Variants in DNAH5 observed in about 807,000 individuals in gnomAD.
DNAH5 encodes the protein dynein axonemal heavy chain 5.
Under a neutral mutation model 518.2 loss-of-function variants are expected in DNAH5, and 372 were observed. That is an observed-to-expected ratio of 0.72 (90% CI 0.66 to 0.78). DNAH5 has a LOEUF of 0.78. Ranked by LOEUF, DNAH5 falls within the 30% of genes least tolerant of loss-of-function variation. The pLI, the probability that DNAH5 is intolerant of heterozygous loss-of-function variation, is 0.00. For synonymous variants in DNAH5, 2,039 were observed against 2,025.9 expected, an observed-to-expected ratio of 1.01 and a Z score of -0.17; for missense variants, 5,523 against 5,687.0, an observed-to-expected ratio of 0.97 and a Z score of 0.93.
chr5:13,830,458 G>A (rs989036414), intron 36 of DNAH5, 139 bp downstream of exon 36: 2 of 1,055,164 alleles, frequency 1.9e-6, no homozygotes, highest in Admixed American at 4.1e-5. Context: ...CACACAACCT[G>A]GCAAGATTGA....
At position 13,751,184 on chromosome 5, in the gene DNAH5, G is replaced by T. The variant is rs1277100824; in HGVS notation, c.11105C>A (p.Ala3702Asp). Residue 3702 changes from alanine (A) to aspartate (D), a missense_variant, in exon 65 of 79, where the codon GCC becomes GAC. By Grantham distance (126) the Ala-to-Asp change is moderately radical. Transcript: ENST00000265104. ...ACGGGCACTTATCTCAGGGGTGTAG[G>T]CTGGGTTAGGCAATTTGGTGGTAAT... ...LYITTKLPNP[A>D]YTPEISARTS... is the part of the protein sequence containing the mutation. 3 of 1,613,890 alleles carry T rather than the reference G, an allele frequency of 1.9e-6. No individual in the cohort carries two copies. In the Admixed American group the frequency reaches 5.0e-5, roughly 27 times the overall value.
intron 42 of DNAH5, among the ~76,000 whole-genome samples, chr5:13,816,333 C>G (rs139730910): frequency 2.0e-5 from 3 of 152,180 alleles, no homozygotes; most frequent in Non-Finnish European, 4.4e-5. Flanking sequence ...CTCTTAATTT[C>G]TCAACTACTA....
Position 13,701,312 on chromosome 5 carries a change from G to A in DNAH5, c.13463C>T (p.Pro4488Leu), listed in dbSNP as rs1742082834. The A allele has an allele frequency of 6.2e-7, 1 of 1,613,832 alleles. No individual in the cohort carries two copies. Among genetic ancestry groups the A allele is most frequent in the East Asian group, 2.2e-5 (1 of 44,852 alleles). ...TCGCATTGCAGTTAAAAATCCCTGG[G>A]GGTTAAAAAAACCCGTCATCCAAAA... ...HCFWMTGFFN[P>L]QGFLTAMRQE... Residue 4488 changes from proline to leucine, a missense_variant, in exon 77 of 79, where the codon CCC (proline) becomes CTC (leucine). Pro to Leu is a moderately conservative substitution (Grantham distance 98). Around this residue, in one of 3 missense-constraint regions of DNAH5, gnomAD observed 387 missense variants for 430.0 expected, o/e 0.90. Coordinates refer to ENST00000265104, the MANE Select transcript of DNAH5 (RefSeq NM_001369.3).
rs200924641 is a variant in DNAH5 at position 13,714,468 on chromosome 5, C to T, written c.13062G>A (p.Ala4354=). ...TSGGGDETRE[A]VVARLADDML... ...TATCATCAGCCAGCCGGGCCACCAC[C>T]GCCTCCCGGGTCTCATCCCCTCCAC... Residue 4354 remains alanine (A), a synonymous_variant, in exon 75 of 79, where the codon GCG becomes GCA. Transcript: ENST00000265104. 4.9e-4 allele frequency: 794 copies of T among 1,614,166 alleles called. 17 individuals are homozygous for T. The South Asian group carries it at 8.0e-3, about 16-fold the overall frequency.
At position 13,841,841 on chromosome 5, in the gene DNAH5, C is replaced by T; in HGVS notation, c.5335G>A (p.Val1779Ile). 6.3e-7 allele frequency: 1 copy of T among 1,597,964 alleles called. No individual in the cohort carries two copies. The highest frequency in any genetic ancestry group is 8.5e-7 in the Non-Finnish European group (1 of 1,175,872). Residue 1779 changes from valine to isoleucine, a missense_variant, in exon 33 of 79, where the codon GTC becomes ATC. Val to Ile is a conservative substitution (Grantham distance 29, BLOSUM62 3). This residue lies in a region of DNAH5 where 5,121 missense variants were observed against 5,223.3 expected (regional missense o/e 0.98). Coordinates refer to ENST00000265104, the MANE Select transcript of DNAH5 (RefSeq NM_001369.3). ...EGETIELDKP[V>I]MAEGNVEVWL... Reference sequence around the variant, plus strand: ...ACTTCCACATTGCCCTCTGCCATGACAGGTTTATCCAATTCAATCGTCTCA... The same window carrying T: ...ACTTCCACATTGCCCTCTGCCATGATAGGTTTATCCAATTCAATCGTCTCA...
At chr5:13,876,900 T>G in intron 21 of DNAH5, 83 bp from the exon 22 acceptor site, 1 of 1,387,864 alleles carries the variant, frequency 7.2e-7, no homozygotes, top group Non-Finnish European at 1.0e-6. Context: ...TCTGTGATAG[T>G]AAAGCAAGGA....
At position 13,769,036 on chromosome 5, in the gene DNAH5, G is replaced by A. The variant is rs1752916666; in HGVS notation, c.9821C>T (p.Ser3274Phe). ...DRAQAIVDSI[S>F]KDKAIAEEKL... ...TTCTTCAGCAATGGCTTTGTCTTTAGAGATGCTGTCCACAATGGCCTGGGC... is the reference window on the plus strand; with the variant it reads ...TTCTTCAGCAATGGCTTTGTCTTTAAAGATGCTGTCCACAATGGCCTGGGC... The change falls in exon 58 of 79, where the codon TCT (serine) becomes TTT (phenylalanine). Residue 3274 changes from serine (S) to phenylalanine (F), a missense_variant. By Grantham distance (155) the Ser-to-Phe change is radical. Transcript: ENST00000265104. 2.5e-6 allele frequency: 4 copies of A among 1,614,058 alleles called. No homozygotes were observed. Among genetic ancestry groups the A allele is most frequent in the African/African-American group, 1.3e-5 (1 of 74,902 alleles).
chr5:13,708,004 T>G (rs1743022952), intron 76 of DNAH5, 119 bp downstream of exon 76: 14 of 1,220,552 alleles, frequency 1.1e-5, no homozygotes, highest in Non-Finnish European at 1.7e-5. Context: ...TACAGGGGGC[T>G]TCGTCCCTGT....
At chr5:13,838,579 C>A (rs139523798) in intron 35 of DNAH5, among the ~76,000 whole-genome samples, 24 of 152,288 alleles carry the variant, frequency 1.6e-4, no homozygotes, top group African/African-American at 5.5e-4. Context: ...TCTCCCATCA[C>A]CCCCAGATGG....
Position 13,833,092 on chromosome 5 carries a change from G to A in DNAH5, c.5883-2317C>T, listed in dbSNP as rs113868272. Among the ~76,000 whole-genome samples, 218 of 144,488 alleles carry A rather than the reference G, an allele frequency of 1.5e-3. 1 individual carries two copies. Among genetic ancestry groups the A allele is most frequent in the African/African-American group, 5.4e-3 (203 of 37,568 alleles). 94.8% of individuals were successfully genotyped at this position (144,488 alleles called of 152,430 possible). A position where few individuals can be genotyped will look rare whatever the true frequency, so the allele number is the denominator to read the frequency against. ...CTCTTTGATTATAGGGCATGTTTAA[G>A]GAGAAACCAAAGACAAGGTTGCTAA... On this transcript the variant is annotated intron_variant, in intron 35 of 78. Coordinates refer to ENST00000265104, the MANE Select transcript of DNAH5 (RefSeq NM_001369.3).
intron 70 of DNAH5, among the ~76,000 whole-genome samples, chr5:13,724,480 C>T (rs1449700373): frequency 6.6e-6 from 1 of 152,070 alleles, no homozygotes; most frequent in Non-Finnish European, 1.5e-5. Flanking sequence ...GGACTTTGGA[C>T]TTGATGCTGT....
At chr5:13,757,537 A>C (rs1051347152) in intron 61 of DNAH5, among the ~76,000 whole-genome samples, 1 of 152,150 alleles carries the variant, frequency 6.6e-6, no homozygotes, top group East Asian at 1.9e-4. Flanking sequence ...GAAAGCAAAA[A>C]CTGACAAATG....
At chr5:13,868,035 C>T in intron 24 of DNAH5, 43 bp from the exon 25 acceptor site, 1 of 1,346,076 alleles carries the variant, frequency 7.4e-7, no homozygotes, top group Non-Finnish European at 1.1e-6. Context: ...CAGTCAGATG[C>T]ATAAATCTAC....
At chr5:13,976,265 C>T (rs1287880473) in intron 1 of DNAH5, among the ~76,000 whole-genome samples, 1 of 152,112 alleles carries the variant, frequency 6.6e-6, no homozygotes, top group African/African-American at 2.4e-5. Context: ...TTTCATTTTC[C>T]TCAGTTGCCT....
intron 1 of DNAH5, among the ~76,000 whole-genome samples, chr5:13,991,298 C>G (rs1783522189): frequency 6.6e-6 from 1 of 152,104 alleles, no homozygotes; most frequent in Non-Finnish European, 1.5e-5. Flanking sequence ...AAATGAAGTC[C>G]ATTGAGGTCT....
At chr5:13,741,757 G>A (rs1748579521) in intron 65 of DNAH5, among the ~76,000 whole-genome samples, 1 of 152,134 alleles carries the variant, frequency 6.6e-6, no homozygotes, top group South Asian at 2.1e-4. Flanking sequence ...GGTAAGGGAA[G>A]AAAAGTAAAG....
At chr5:13,719,672 T>C (rs1352424447) in intron 71 of DNAH5, among the ~76,000 whole-genome samples, 1 of 152,130 alleles carries the variant, frequency 6.6e-6, no homozygotes, top group African/African-American at 2.4e-5. Flanking sequence ...AGGGTCTAGA[T>C]TGGAGGATAC....
chr5:14,007,460 G>A (rs1274749771), intron 1 of DNAH5, among the ~76,000 whole-genome samples: 3 of 152,050 alleles, frequency 2.0e-5, no homozygotes, highest in South Asian at 4.1e-4. Context: ...ATCTGGAAGC[G>A]GCTTCAAAAA....
chr5:13,750,603 G>C (rs748475306), intron 65 of DNAH5, among the ~76,000 whole-genome samples: 3 of 152,136 alleles, frequency 2.0e-5, no homozygotes, highest in Non-Finnish European at 4.4e-5. Context: ...GGCTCTCTTA[G>C]ATCACAAATG....
Sources: allele counts gnomAD v4.1 joint callset (sites outside exome capture counted in the v4.1 genomes callset), GRCh38; gene constraint gnomAD v4.1.1; regional missense constraint gnomAD v4.1.1; transcripts MANE v1.5; gene names NCBI Gene and HGNC (gene_info 2026-07-23, HGNC 2026-07-21).